TRIM24: variants seen among roughly 807,000 people sequenced by gnomAD.
TRIM24 encodes transcription intermediary factor 1-alpha.
TRIM24 carries 29 observed loss-of-function variants against 123.9 expected under a neutral mutation model. The observed-to-expected ratio is 0.23, with a 90% CI of 0.17 to 0.32. The LOEUF (loss-of-function observed/expected upper bound fraction) is 0.32, where lower values mean the gene tolerates loss of function less well. TRIM24 is among the 10% of genes least tolerant of loss of function. TRIM24 has a pLI of 1.00. For missense variants in TRIM24, 932 were observed against 1,295.3 expected (o/e 0.72, Z 4.31); for synonymous variants, 456 against 461.1 (o/e 0.99, Z 0.14).
intron 1 of TRIM24, among the ~76,000 whole-genome samples, chr7:138,463,359 C>G (rs1222318162): frequency 6.6e-6 from 1 of 151,952 alleles, no homozygotes; most frequent in African/African-American, 2.4e-5. Flanking sequence ...CTGGTTCAAG[C>G]GATTCTTGTG....
intron 8 of TRIM24, 79 bp downstream of exon 8, chr7:138,551,259 A>T: frequency 3.9e-6 from 5 of 1,284,910 alleles, no homozygotes; most frequent in Non-Finnish European, 5.6e-6. Flanking sequence ...TACTGAAAAT[A>T]TGTTCACTTA....
chr7:138,505,051 G>A (rs375615326), intron 2 of TRIM24, among the ~76,000 whole-genome samples: 2 of 152,164 alleles, frequency 1.3e-5, no homozygotes, highest in African/African-American at 4.8e-5. Context: ...GTGAGCCACC[G>A]TGCCTGGCCT....
At position 138,507,342 on chromosome 7, in the gene TRIM24, A is replaced by G. The variant is rs192225157; in HGVS notation, c.483+2934A>G. Among the ~76,000 whole-genome samples, 312 of 150,164 alleles carry G rather than the reference A, an allele frequency of 2.1e-3. 1 individual carries two copies. The highest frequency in any genetic ancestry group is 3.3e-3 in the Non-Finnish European group (222 of 67,720). On this transcript the variant is annotated intron_variant, in intron 2 of 18. Transcript: ENST00000343526. ...TACATTGATGTTTATTCCAGCCATTATATGATTTCATCTGTAATTTTTTTT... is the reference window on the plus strand; with the variant it reads ...TACATTGATGTTTATTCCAGCCATTGTATGATTTCATCTGTAATTTTTTTT...
chr7:138,487,615 G>A (rs1380713424), intron 1 of TRIM24, among the ~76,000 whole-genome samples: 1 of 152,092 alleles, frequency 6.6e-6, no homozygotes, highest in African/African-American at 2.4e-5. Context: ...TGTAGTTTTT[G>A]TCTTTGGTTC....
At chr7:138,553,113 G>A (rs1797244960) in intron 8 of TRIM24, among the ~76,000 whole-genome samples, 1 of 152,164 alleles carries the variant, frequency 6.6e-6, no homozygotes, top group Admixed American at 6.5e-5. Flanking sequence ...CTAATAGTTT[G>A]TGAAACCGAC....
chr7:138,571,128 G>A (rs564640984), intron 11 of TRIM24, 125 bp downstream of exon 11: 34 of 948,252 alleles, frequency 3.6e-5, no homozygotes, highest in East Asian at 3.0e-4. Flanking sequence ...TCAGGAGTTC[G>A]AGACTAGCCT....
chr7:138,460,874 G>A lies in TRIM24; in HGVS notation c.326G>A (p.Gly109Asp). The A allele has an allele frequency of 6.5e-7, 1 of 1,539,404 alleles. No homozygotes were observed. Residue 109 changes from glycine (G) to aspartate (D), a missense_variant, in exon 1 of 19, where the codon GGC becomes GAC. Around this residue, in one of 7 missense-constraint regions of TRIM24, gnomAD observed 164 missense variants for 181.9 expected, o/e 0.90. Coordinates refer to ENST00000343526, the MANE Select transcript of TRIM24 (RefSeq NM_015905.3). Reference protein sequence around the residue: ...AETPPPVPAPGSPVSGSSPFA... With the variant: ...AETPPPVPAPDSPVSGSSPFA... ...ACCCCGCCACCCGTCCCTGCCCCCG[G>A]CTCGCCGGTCAGCGGCTCGTCGCCG...
At chr7:138,461,181 C>T (rs1196904948) in intron 1 of TRIM24, 1 of 696,554 alleles carries the variant, frequency 1.4e-6, no homozygotes, top group South Asian at 1.4e-5. Context: ...GCCGGGCGGC[C>T]CCTGCCACTC....
chr7:138,544,841 T>C (rs1797069567), intron 7 of TRIM24, among the ~76,000 whole-genome samples: 1 of 152,222 alleles, frequency 6.6e-6, no homozygotes, highest in South Asian at 2.1e-4. Flanking sequence ...TCAAACTCTT[T>C]GCCCATTTCT....
intron 10 of TRIM24, 49 bp from the exon 11 acceptor site, chr7:138,570,781 T>C: frequency 1.3e-6 from 2 of 1,589,364 alleles, no homozygotes; most frequent in Non-Finnish European, 1.7e-6. Flanking sequence ...AGATGTTGTA[T>C]TTTATAAGCT....
At chr7:138,462,575 C>G (rs368244919) in intron 1 of TRIM24, among the ~76,000 whole-genome samples, 1 of 151,810 alleles carries the variant, frequency 6.6e-6, no homozygotes, top group African/African-American at 2.4e-5. Flanking sequence ...CTCCTGACCT[C>G]GTGATCCGCC....
chr7:138,490,620 A>G (rs944365834), intron 1 of TRIM24: 1 of 309,518 alleles, frequency 3.2e-6, no homozygotes, highest in African/African-American at 2.3e-5. Flanking sequence ...AGCTCATTCA[A>G]CATTAGCACG....
At chr7:138,552,192 T>TGTA (rs1797225996) in intron 8 of TRIM24, among the ~76,000 whole-genome samples, 1 of 152,314 alleles carries the variant, frequency 6.6e-6, no homozygotes, top group African/African-American at 2.4e-5. Flanking sequence ...AACCTAGGTG[T>TGTA]GTAGTAGGCT....
chr7:138,481,804 C>A (rs555865008), intron 1 of TRIM24, among the ~76,000 whole-genome samples: 2 of 151,958 alleles, frequency 1.3e-5, no homozygotes, highest in South Asian at 2.1e-4. Flanking sequence ...CAGAGCAAGA[C>A]CCTGTCTCCA....
intron 1 of TRIM24, chr7:138,461,174 G>T (rs1794961240): frequency 1.4e-6 from 1 of 701,690 alleles, no homozygotes; most frequent in South Asian, 1.4e-5. Context: ...CTCAACAGCC[G>T]GGCGGCCCCT....
chr7:138,577,309 C>T, intron 13 of TRIM24, 111 bp from the exon 14 acceptor site: 1 of 813,480 alleles, frequency 1.2e-6, no homozygotes, highest in Non-Finnish European at 1.8e-6. Flanking sequence ...CTGATGTTAA[C>T]ATACTTATTG....
chr7:138,514,661 C>T (rs1796360200), intron 2 of TRIM24: 1 of 152,194 alleles, frequency 6.6e-6, no homozygotes, highest in South Asian at 2.1e-4. Flanking sequence ...ATCATATGCT[C>T]TTATAACTTT....
At chr7:138,523,223 G>A (rs1356151231) in intron 4 of TRIM24, among the ~76,000 whole-genome samples, 3 of 152,100 alleles carry the variant, frequency 2.0e-5, no homozygotes, top group Admixed American at 6.5e-5. Context: ...TAGGAAGGTG[G>A]CATTACTCCA....
intron 10 of TRIM24, among the ~76,000 whole-genome samples, chr7:138,570,603 CTG>C (rs1797632911): frequency 6.7e-6 from 1 of 149,272 alleles, no homozygotes; most frequent in Non-Finnish European, 1.5e-5. Flanking sequence ...TATATACTAA[CTG>C]TTGTCTTCCA....
Sources: gnomAD v4.1 joint callset for allele counts (sites outside exome capture counted in the v4.1 genomes callset) on GRCh38, gnomAD v4.1.1 for gene constraint, gnomAD v4.1.1 regional missense constraint, MANE v1.5 for transcripts, NCBI Gene and HGNC (gene_info 2026-07-23, HGNC 2026-07-21) for gene names.